ATP8A2: variants seen among roughly 807,000 people sequenced by gnomAD.
ATP8A2 encodes the protein phospholipid-transporting ATPase IB.
Under a neutral mutation model 165.6 loss-of-function variants are expected in ATP8A2, and 100 were observed. The observed-to-expected ratio is 0.60, with a 90% CI of 0.51 to 0.71. The LOEUF is 0.71. ATP8A2 is among the 30% of genes least tolerant of loss of function. ATP8A2 has a pLI of 0.00. For missense variants in ATP8A2, 1,227 were observed against 1,479.5 expected, an observed-to-expected ratio of 0.83 and a Z score of 2.80; for synonymous variants, 543 against 548.8, an observed-to-expected ratio of 0.99 and a Z score of 0.15.
intron 24 of ATP8A2, among the ~76,000 whole-genome samples, chr13:25,630,203 G>A (rs1470667531): frequency 6.6e-6 from 1 of 152,110 alleles, no homozygotes; most frequent in Non-Finnish European, 1.5e-5. Context: ...AAAGCTAGGT[G>A]GTACAGGGAT....
At chr13:25,780,733 G>A (rs184795698) in intron 27 of ATP8A2, among the ~76,000 whole-genome samples, 17 of 152,086 alleles carry the variant, frequency 1.1e-4, no homozygotes, top group Admixed American at 7.9e-4. Flanking sequence ...CATAAGGAGC[G>A]TGCAAACTAG....
At chr13:25,483,073 C>T (rs1313129648) in intron 2 of ATP8A2, among the ~76,000 whole-genome samples, 1 of 152,174 alleles carries the variant, frequency 6.6e-6, no homozygotes, top group Non-Finnish European at 1.5e-5. Flanking sequence ...ATAGATAGTA[C>T]TTGGGTTTGA....
intron 33 of ATP8A2, among the ~76,000 whole-genome samples, chr13:25,937,848 C>CAAAAA (rs57258286): frequency 1.8e-4 from 15 of 83,542 alleles, no homozygotes; most frequent in East Asian, 3.6e-4. Context: ...GACTCCGTCT[C>CAAAAA]AAAAAAAAAA....
intron 33 of ATP8A2, among the ~76,000 whole-genome samples, chr13:25,935,854 A>G (rs1237780774): frequency 6.6e-6 from 1 of 152,170 alleles, no homozygotes; most frequent in Non-Finnish European, 1.5e-5. Flanking sequence ...ATCAAGCATT[A>G]TATTAAAAAC....
chr13:25,798,355 C>T (rs1950539487), intron 27 of ATP8A2, among the ~76,000 whole-genome samples: 1 of 152,150 alleles, frequency 6.6e-6, no homozygotes, highest in Non-Finnish European at 1.5e-5. Flanking sequence ...AGAACTTCCT[C>T]AGCTTTTTCT....
At chr13:25,524,278 G>A (rs1464086470) in intron 2 of ATP8A2, among the ~76,000 whole-genome samples, 1 of 152,112 alleles carries the variant, frequency 6.6e-6, no homozygotes, top group Non-Finnish European at 1.5e-5. Context: ...TATATCCTAA[G>A]ATATGGTCTA....
intron 1 of ATP8A2, among the ~76,000 whole-genome samples, chr13:25,465,741 C>T (rs866310418): frequency 6.6e-4 from 7 of 10,636 alleles, no homozygotes; most frequent in African/African-American, 6.1e-4. Context: ...CTTTCTTTCC[C>T]TCCCTCCCTC....
At chr13:25,759,810 C>T (rs549965391) in intron 25 of ATP8A2, among the ~76,000 whole-genome samples, 1 of 152,158 alleles carries the variant, frequency 6.6e-6, no homozygotes, top group South Asian at 2.1e-4. Context: ...TAATTCACAA[C>T]ATACAACCCA....
chr13:25,775,838 A>G (rs142803490), intron 27 of ATP8A2, among the ~76,000 whole-genome samples: 95 of 152,352 alleles, frequency 6.2e-4, no homozygotes, highest in Admixed American at 2.0e-3. Flanking sequence ...GAAGAAATCA[A>G]CTTTTTCTGA....
At chr13:25,775,705 A>G (rs2044726534) in intron 27 of ATP8A2, among the ~76,000 whole-genome samples, 1 of 152,202 alleles carries the variant, frequency 6.6e-6, no homozygotes, top group Non-Finnish European at 1.5e-5. Flanking sequence ...ATCATGACTA[A>G]TCGTTTCCAA....
At chr13:25,627,642 C>A (rs996180263) in intron 24 of ATP8A2, among the ~76,000 whole-genome samples, 3 of 152,184 alleles carry the variant, frequency 2.0e-5, no homozygotes, top group Admixed American at 6.5e-5. Flanking sequence ...TGATCTTTGA[C>A]TTCTAGCCTC....
chr13:25,666,275 A>G (rs1042111760), intron 24 of ATP8A2, among the ~76,000 whole-genome samples: 2 of 152,034 alleles, frequency 1.3e-5, no homozygotes, highest in Non-Finnish European at 2.9e-5. Context: ...CAGTGGCACA[A>G]TCTTGGCTCA....
chr13:25,881,863 T>A (rs1341293494), intron 33 of ATP8A2, among the ~76,000 whole-genome samples: 4 of 152,200 alleles, frequency 2.6e-5, no homozygotes, highest in Non-Finnish European at 2.9e-5. Flanking sequence ...ACATTTTAAC[T>A]AAGCCCCAGG....
intron 25 of ATP8A2, among the ~76,000 whole-genome samples, chr13:25,758,024 G>A (rs1030854609): frequency 6.6e-6 from 1 of 152,122 alleles, no homozygotes; most frequent in Non-Finnish European, 1.5e-5. Flanking sequence ...TTAGGTTGCC[G>A]CTGTTAACCT....
intron 24 of ATP8A2, among the ~76,000 whole-genome samples, chr13:25,649,422 G>A (rs1297990916): frequency 1.3e-5 from 2 of 152,148 alleles, no homozygotes; most frequent in East Asian, 3.9e-4. Flanking sequence ...GGTTGTGGGA[G>A]GGGCCTCAAA....
At chr13:25,710,334 G>A (rs2043135102) in intron 25 of ATP8A2, among the ~76,000 whole-genome samples, 1 of 152,030 alleles carries the variant, frequency 6.6e-6, no homozygotes, top group South Asian at 2.1e-4. Flanking sequence ...AACTATAGGT[G>A]TCCTGTTGTG....
At chr13:25,888,621 G>A (rs1953248895) in intron 33 of ATP8A2, among the ~76,000 whole-genome samples, 1 of 152,220 alleles carries the variant, frequency 6.6e-6, no homozygotes, top group African/African-American at 2.4e-5. Context: ...AGCATTTTGG[G>A]AGGCCAAGGT....
At chr13:25,503,499 TG>T (rs1241192862) in intron 2 of ATP8A2, among the ~76,000 whole-genome samples, 4 of 152,102 alleles carry the variant, frequency 2.6e-5, no homozygotes, top group Non-Finnish European at 5.9e-5. Context: ...GTGCTACCCT[TG>T]GGCATTTGGA....
chr13:25,708,477 T>C (rs1282729441), intron 25 of ATP8A2, among the ~76,000 whole-genome samples: 1 of 152,250 alleles, frequency 6.6e-6, no homozygotes, highest in Non-Finnish European at 1.5e-5. Flanking sequence ...AAGAAAATTA[T>C]GTTATCCATT....
Sources: allele counts gnomAD v4.1 joint callset (sites outside exome capture counted in the v4.1 genomes callset), GRCh38; gene constraint gnomAD v4.1.1; transcripts MANE v1.5; gene names NCBI Gene and HGNC (gene_info 2026-07-23, HGNC 2026-07-21).